Variants in LRMDA observed in about 807,000 individuals in gnomAD.
LRMDA encodes the protein leucine-rich melanocyte differentiation-associated protein.
Under a neutral mutation model 29.8 loss-of-function variants are expected in LRMDA, and 18 were observed. The ratio of observed to expected loss-of-function variants is 0.60; its 90% CI spans 0.42 to 0.90. The LOEUF (loss-of-function observed/expected upper bound fraction) is 0.90. Among genes scored for constraint, LRMDA ranks in the 40% least tolerant of loss-of-function variants. LRMDA has a pLI of 0.00. For missense variants in LRMDA, 273 were observed against 273.9 expected, an observed-to-expected ratio of 1.00 and a Z score of 0.02; for synonymous variants, 125 against 109.4, an observed-to-expected ratio of 1.14 and a Z score of -0.89.
intron 2 of LRMDA, among the ~76,000 whole-genome samples, chr10:75,659,401 T>C (rs1470494192): frequency 2.6e-5 from 4 of 152,156 alleles, no homozygotes; most frequent in South Asian, 2.1e-4. Context: ...TGAGGTGGAA[T>C]TGGCAAATAA....
At chr10:76,367,749 G>C (rs759514792) in intron 6 of LRMDA, among the ~76,000 whole-genome samples, 3 of 152,036 alleles carry the variant, frequency 2.0e-5, no homozygotes, top group Non-Finnish European at 4.4e-5. Flanking sequence ...CGCCTGGCTG[G>C]TAATTTTTAA....
intron 5 of LRMDA, among the ~76,000 whole-genome samples, chr10:76,189,339 A>T (rs1851205286): frequency 6.6e-6 from 1 of 151,470 alleles, no homozygotes; most frequent in African/African-American, 2.5e-5. Flanking sequence ...CCTGGGTGAC[A>T]GAGCGAGATT....
At chr10:75,982,130 G>A (rs1047718695) in intron 2 of LRMDA, among the ~76,000 whole-genome samples, 1 of 152,148 alleles carries the variant, frequency 6.6e-6, no homozygotes, top group Non-Finnish European at 1.5e-5. Context: ...GGGAAACAGT[G>A]AACTGATCTC....
intron 5 of LRMDA, among the ~76,000 whole-genome samples, chr10:76,308,376 T>G (rs901712664): frequency 8.5e-5 from 13 of 152,204 alleles, no homozygotes; most frequent in African/African-American, 3.1e-4. Flanking sequence ...TGTGGTTTCA[T>G]CCTGGCATCT....
chr10:76,324,197 A>C (rs899044408), intron 5 of LRMDA, among the ~76,000 whole-genome samples: 1 of 152,176 alleles, frequency 6.6e-6, no homozygotes, highest in Non-Finnish European at 1.5e-5. Flanking sequence ...TTCCATATGT[A>C]CTGAGGCCCC....
chr10:76,243,779 T>C (rs1170465313), intron 5 of LRMDA, among the ~76,000 whole-genome samples: 1 of 152,118 alleles, frequency 6.6e-6, no homozygotes, highest in Non-Finnish European at 1.5e-5. Flanking sequence ...AGGCCTGAGA[T>C]GAAAACTTTG....
intron 5 of LRMDA, among the ~76,000 whole-genome samples, chr10:76,162,967 G>A (rs1179690920): frequency 6.6e-6 from 1 of 152,158 alleles, no homozygotes; most frequent in Non-Finnish European, 1.5e-5. Flanking sequence ...TAGGTCTGTT[G>A]CTATAATTCC....
chr10:76,162,414 CAGAG>C (rs967200429), intron 5 of LRMDA, among the ~76,000 whole-genome samples: 78 of 152,264 alleles, frequency 5.1e-4, no homozygotes, highest in African/African-American at 1.8e-3. Context: ...CGCATTGCTA[CAGAG>C]AAATACTGGA....
intron 2 of LRMDA, among the ~76,000 whole-genome samples, chr10:75,835,393 G>A (rs1304713797): frequency 6.6e-6 from 1 of 152,154 alleles, no homozygotes; most frequent in Admixed American, 6.5e-5. Flanking sequence ...CTATTGTGAT[G>A]ACATTGGGTC....
intron 2 of LRMDA, among the ~76,000 whole-genome samples, chr10:75,634,780 A>G (rs1270485921): frequency 2.0e-5 from 3 of 152,266 alleles, no homozygotes; most frequent in Non-Finnish European, 4.4e-5. Context: ...GTTAAAATAT[A>G]GAAAAATTCA....
chr10:76,082,224 C>G (rs1849060753), intron 5 of LRMDA, among the ~76,000 whole-genome samples: 1 of 152,098 alleles, frequency 6.6e-6, no homozygotes, highest in Admixed American at 6.5e-5. Flanking sequence ...GCAGGGGGCC[C>G]TCAAGCCAAT....
chr10:75,496,124 A>G (rs1042464985), intron 2 of LRMDA, among the ~76,000 whole-genome samples: 20 of 152,212 alleles, frequency 1.3e-4, no homozygotes, highest in African/African-American at 4.8e-4. Flanking sequence ...GAGCACTTTT[A>G]CAGTTAGTGA....
chr10:76,377,170 C>T (rs2132466269), intron 6 of LRMDA, among the ~76,000 whole-genome samples: 1 of 152,148 alleles, frequency 6.6e-6, no homozygotes, highest in South Asian at 2.1e-4. Flanking sequence ...CAGGTGTGAG[C>T]CACCACACCC....
rs112750714 is a variant in LRMDA at position 76,420,358 on chromosome 10, T to C, written c.601+95873T>C. On this transcript the variant is annotated intron_variant, in intron 6 of 6. Transcript: ENST00000611255. Reference sequence around the variant, plus strand: ...ATTGTTCCTAGTATCCTTTTATCTATTTTTCAGGTACTATATTGATACTCC... The same window carrying C: ...ATTGTTCCTAGTATCCTTTTATCTACTTTTCAGGTACTATATTGATACTCC... Among the ~76,000 whole-genome samples the C allele has an allele frequency of 1.2e-4, 18 of 152,070 alleles. 1 individual carries two copies. The highest frequency in any genetic ancestry group is 4.3e-4 in the African/African-American group (18 of 41,560).
intron 5 of LRMDA, among the ~76,000 whole-genome samples, chr10:76,244,727 G>T (rs1852343354): frequency 6.6e-6 from 1 of 152,114 alleles, no homozygotes; most frequent in Admixed American, 6.5e-5. Context: ...ATGGCTTTTT[G>T]CTTGATGTCT....
At chr10:75,520,416 T>C (rs1200864840) in intron 2 of LRMDA, among the ~76,000 whole-genome samples, 1 of 152,220 alleles carries the variant, frequency 6.6e-6, no homozygotes, top group African/African-American at 2.4e-5. Flanking sequence ...TCTTGCTTTA[T>C]TTCATTAATT....
intron 2 of LRMDA, among the ~76,000 whole-genome samples, chr10:75,560,859 C>G (rs1840284431): frequency 6.6e-6 from 1 of 152,108 alleles, no homozygotes; most frequent in South Asian, 2.1e-4. Context: ...TATATTGAAC[C>G]AGCCTTGCAT....
chr10:76,209,914 A>G (rs1851605921), intron 5 of LRMDA, among the ~76,000 whole-genome samples: 1 of 152,226 alleles, frequency 6.6e-6, no homozygotes, highest in Admixed American at 6.5e-5. Flanking sequence ...CACTGTAGCT[A>G]TCTATTCTTC....
At chr10:76,446,366 G>T (rs1336703843) in intron 6 of LRMDA, among the ~76,000 whole-genome samples, 2 of 151,962 alleles carry the variant, frequency 1.3e-5, no homozygotes, top group Non-Finnish European at 2.9e-5. Flanking sequence ...CCATATCCAT[G>T]GTTTTTCATC....
Sources: gnomAD v4.1 joint callset for allele counts (sites outside exome capture counted in the v4.1 genomes callset) on GRCh38, gnomAD v4.1.1 for gene constraint, MANE v1.5 for transcripts, NCBI Gene and HGNC (gene_info 2026-07-23, HGNC 2026-07-21) for gene names.